ZAP70: variants seen among roughly 807,000 people sequenced by gnomAD.
ZAP70 encodes tyrosine-protein kinase ZAP-70.
Under a neutral mutation model 65.8 loss-of-function variants are expected in ZAP70, and 27 were observed. The observed-to-expected ratio is 0.41, with a 90% confidence interval of 0.30 to 0.57. The LOEUF (loss-of-function observed/expected upper bound fraction) is 0.57. ZAP70 is among the 20% of genes least tolerant of loss of function. The probability of loss-of-function intolerance (pLI) is 0.28; values close to 1 mark genes in which losing one functional copy is unlikely to be tolerated. For synonymous variants in ZAP70, 363 were observed against 360.8 expected (o/e 1.01, Z -0.07); for missense variants, 696 against 870.5 (o/e 0.80, Z 2.52).
rs778513394 is a variant in ZAP70 at position 97,725,099 on chromosome 2, C to A, written c.410C>A (p.Ala137Asp). 3 of 1,614,062 alleles carry A rather than the reference C, an allele frequency of 1.9e-6. No individual in the cohort carries two copies. In the South Asian group the frequency reaches 3.3e-5, roughly 18 times the overall value. Reference protein sequence around the residue: ...VRQTWKLEGEALEQAIISQAP... With the variant: ...VRQTWKLEGEDLEQAIISQAP... ...TCGCCTCTCCTTTTCTAGGGCGAGGCCCTGGAGCAGGCCATCATCAGCCAG... is the reference window on the plus strand; with the variant it reads ...TCGCCTCTCCTTTTCTAGGGCGAGGACCTGGAGCAGGCCATCATCAGCCAG... Residue 137 changes from alanine (A) to aspartate (D), a missense_variant, in exon 4 of 14, where the codon GCC (alanine) becomes GAC (aspartate). Ala to Asp is a moderately radical substitution (Grantham distance 126). This residue lies in a region of ZAP70 where 551 missense variants were observed against 630.0 expected (regional missense o/e 0.87). Coordinates refer to ENST00000264972, the MANE Select transcript of ZAP70 (RefSeq NM_001079.4).
chr2:97,716,448 T>C (rs1676918485), intron 2 of ZAP70, among the ~76,000 whole-genome samples: 1 of 152,118 alleles, frequency 6.6e-6, no homozygotes, highest in Admixed American at 6.5e-5. Context: ...ATAGATACAA[T>C]ATCATCTTTT....
chr2:97,754,289 T>G, the ZAP70 span, among the ~76,000 whole-genome samples: 1 of 152,148 alleles, frequency 6.6e-6, no homozygotes, highest in Non-Finnish European at 1.5e-5. Context: ...AAATTAGAAC[T>G]TAAAAAAGGA....
chr2:97,733,401 GGGAGGCTGGGAT>G lies in ZAP70; in HGVS notation c.837+69_837+80del, dbSNP rs764893160. The stretch of plus-strand genomic sequence containing the variant: ...GGATGGAGCTGGGGAGTGGCTGTGG[GGGAGGCTGGGAT>G]GGAGGCTGGGGTGCCTGTGGAGCGG... On this transcript the variant is annotated intron_variant, in intron 7 of 13. Coordinates refer to ENST00000264972, the MANE Select transcript of ZAP70 (RefSeq NM_001079.4). 7 of 1,589,800 alleles carry G rather than the reference GGGAGGCTGGGAT, an allele frequency of 4.4e-6. No homozygotes were observed. In the South Asian group the frequency reaches 5.6e-5, roughly 13 times the overall value.
intron 6 of ZAP70, 24 bp downstream of exon 6, chr2:97,733,236 G>A (rs56033246): frequency 1.9e-5 from 31 of 1,610,320 alleles, no homozygotes; most frequent in East Asian, 6.7e-5. Context: ...GCGGGCGGGC[G>A]GTGGGCGGGG....
At chr2:97,725,867 C>T (rs1277003628) in intron 4 of ZAP70, among the ~76,000 whole-genome samples, 5 of 152,090 alleles carry the variant, frequency 3.3e-5, no homozygotes, top group Admixed American at 3.3e-4. Flanking sequence ...GTGCAAAGAT[C>T]AGGAGGCAGG....
chr2:97,724,586 A>G, intron 3 of ZAP70, 148 bp downstream of exon 3: 1 of 1,534,144 alleles, frequency 6.5e-7, no homozygotes, highest in Non-Finnish European at 8.7e-7. Flanking sequence ...TGGTTGGGGA[A>G]GAACCTGAAA....
downstream of ZAP70, among the ~76,000 whole-genome samples, chr2:97,741,504 T>G (rs565780678): frequency 1.3e-4 from 18 of 134,230 alleles, no homozygotes; most frequent in African/African-American, 4.7e-4. Flanking sequence ...AAGCTCCCCG[T>G]CCCCCCCAGG....
chr2:97,752,616 T>C, the ZAP70 span, among the ~76,000 whole-genome samples: 2 of 152,264 alleles, frequency 1.3e-5, no homozygotes, highest in Admixed American at 1.3e-4. Context: ...TGAGTCTTTG[T>C]ATTTGAATGA....
chr2:97,755,287 T>TAAAAG, the ZAP70 span, among the ~76,000 whole-genome samples: 2 of 152,022 alleles, frequency 1.3e-5, no homozygotes, highest in Non-Finnish European at 2.9e-5. Context: ...CACTTCTAGT[T>TAAAAG]AAAAGAAAAA....
At chr2:97,741,353 G>C (rs1166705866), downstream of ZAP70, among the ~76,000 whole-genome samples, 1 of 152,136 alleles carries the variant, frequency 6.6e-6, no homozygotes, top group Non-Finnish European at 1.5e-5. Flanking sequence ...CTCCCCTCTG[G>C]GCCTCTGCAT....
At chr2:97,734,038 A>C (rs1238460393) in intron 8 of ZAP70, 3 of 284,016 alleles carry the variant, frequency 1.1e-5, no homozygotes, top group Non-Finnish European at 2.0e-5. Context: ...CCCAGAGCTC[A>C]CATTCCTAAA....
chr2:97,724,636 T>A, intron 3 of ZAP70, 198 bp downstream of exon 3: 1 of 1,532,186 alleles, frequency 6.5e-7, no homozygotes, highest in East Asian at 2.5e-5. Context: ...GGCGGTCGCC[T>A]TCCGCAGGCT....
At chr2:97,718,852 C>T (rs1559316681) in intron 2 of ZAP70, among the ~76,000 whole-genome samples, 2 of 152,202 alleles carry the variant, frequency 1.3e-5, no homozygotes, top group African/African-American at 2.4e-5. Context: ...AGTTTTCTGC[C>T]TCATCCTGCA....
At chr2:97,740,764 C>T (rs1426603415), downstream of ZAP70, among the ~76,000 whole-genome samples, 2 of 152,182 alleles carry the variant, frequency 1.3e-5, no homozygotes, top group Non-Finnish European at 2.9e-5. Flanking sequence ...CTGCACGTCT[C>T]CTTTTCCGCT....
chr2:97,722,746 G>A (rs1335145176), intron 2 of ZAP70, among the ~76,000 whole-genome samples: 1 of 152,192 alleles, frequency 6.6e-6, no homozygotes, highest in Non-Finnish European at 1.5e-5. Flanking sequence ...GAACTGCAGA[G>A]AATGACAGAA....
the ZAP70 span, among the ~76,000 whole-genome samples, chr2:97,745,099 T>C: frequency 2.0e-5 from 3 of 152,220 alleles, no homozygotes; most frequent in Admixed American, 2.0e-4. Context: ...ACTGCAGTGG[T>C]GCAATCTCGG....
intron 3 of ZAP70, chr2:97,724,680 G>T: frequency 3.3e-6 from 5 of 1,524,958 alleles, no homozygotes; most frequent in Non-Finnish European, 4.4e-6. Flanking sequence ...ATGCCAGATG[G>T]GAAGGTAGAG....
At chr2:97,734,787 G>C (rs532293567) in intron 9 of ZAP70, 75 bp downstream of exon 9, 2 of 1,571,766 alleles carry the variant, frequency 1.3e-6, no homozygotes, top group African/African-American at 1.3e-5. Flanking sequence ...GCTGTGGGAC[G>C]GGAGCCGGGA....
chr2:97,723,901 A>C lies in ZAP70; in HGVS notation c.-21-115A>C, dbSNP rs6712517. On this transcript the variant is annotated intron_variant, in intron 2 of 13. Transcript: ENST00000264972. The stretch of plus-strand genomic sequence containing the variant: ...CAGAGCAGGCTCTGCCCCCTTGGCG[A>C]GCTCAGTCTGCGGCACTGATGCCCT... 0.73 allele frequency: 861,649 copies of C among 1,185,398 alleles called. 321,744 individuals are homozygous for C. The highest frequency in any genetic ancestry group is 0.92 in the African/African-American group (60,741 of 66,046). The allele number at this position is 1,185,398 out of a possible 1,614,324, so 73.4% of individuals were successfully genotyped here.
Sources: gnomAD v4.1 joint callset for allele counts (sites outside exome capture counted in the v4.1 genomes callset) on GRCh38, gnomAD v4.1.1 for gene constraint, gnomAD v4.1.1 regional missense constraint, MANE v1.5 for transcripts, NCBI Gene and HGNC (gene_info 2026-07-23, HGNC 2026-07-21) for gene names.